MAP2K5: variants seen among roughly 807,000 people sequenced by gnomAD.
The protein encoded by MAP2K5 is dual specificity mitogen-activated protein kinase kinase 5.
A neutral mutation model predicts 83.1 loss-of-function variants in MAP2K5; 49 were observed. That is an observed-to-expected ratio of 0.59 (90% CI 0.47 to 0.75). The LOEUF is 0.75. Among genes scored for constraint, MAP2K5 ranks in the 30% least tolerant of loss-of-function variants. MAP2K5 has a pLI of 0.00. For missense variants in MAP2K5, 457 were observed against 557.5 expected (o/e 0.82, Z 1.82); for synonymous variants, 202 against 191.8 (o/e 1.05, Z -0.44).
At chr15:67,629,120 T>C (rs2086399774) in intron 8 of MAP2K5, 1 of 732,106 alleles carries the variant, frequency 1.4e-6, no homozygotes, top group East Asian at 2.5e-5. Flanking sequence ...GCTACGGCAG[T>C]GGCAGAAGAT....
intron 19 of MAP2K5, among the ~76,000 whole-genome samples, chr15:67,753,380 C>CT (rs1319230452): frequency 6.6e-6 from 1 of 152,052 alleles, no homozygotes; most frequent in African/African-American, 2.4e-5. Flanking sequence ...TCAAAGGACA[C>CT]TATCAAGACA....
At chr15:67,604,566 C>T (rs189469805) in intron 8 of MAP2K5, among the ~76,000 whole-genome samples, 2 of 152,186 alleles carry the variant, frequency 1.3e-5, no homozygotes, top group South Asian at 2.1e-4. Flanking sequence ...ATGTCTTATG[C>T]CTCAGTTTTC....
At chr15:67,805,103 C>T (rs1183638712) in intron 21 of MAP2K5, among the ~76,000 whole-genome samples, 4 of 152,218 alleles carry the variant, frequency 2.6e-5, no homozygotes. Flanking sequence ...AGGCCTAGCT[C>T]CACCCCAGTC....
At position 67,755,807 on chromosome 15, in the gene MAP2K5, CT is replaced by C. The variant is rs1375038480; in HGVS notation, c.1134+7207del. On this transcript the variant is annotated intron_variant, in intron 19 of 21. Coordinates refer to ENST00000178640, the MANE Select transcript of MAP2K5 (RefSeq NM_145160.3). The surrounding 1 kb of genome is among the most constrained non-coding windows in gnomAD (Gnocchi z 4.7). ...ATAAGTGGGATTTTGTAATGATGAG[CT>C]GTTGAATTCAGGGCTTTTTGCCAAG... Among the ~76,000 whole-genome samples the C allele has an allele frequency of 2.0e-5, 3 of 152,154 alleles. No homozygotes were observed. Among genetic ancestry groups the C allele is most frequent in the Non-Finnish European group, 2.9e-5 (2 of 68,024 alleles).
rs990019373 is a variant in MAP2K5, at chr15:67,793,259, G to A, written c.1243-13387G>A. 6.6e-6 allele frequency among the ~76,000 whole-genome samples: 1 copy of A among 152,078 alleles called. No individual in the cohort carries two copies. The highest frequency in any genetic ancestry group is 1.5e-5 in the Non-Finnish European group (1 of 68,032). On this transcript the variant is annotated intron_variant, in intron 21 of 21. Coordinates refer to ENST00000178640, the MANE Select transcript of MAP2K5 (RefSeq NM_145160.3). This position sits in a 1 kb window ranked among gnomAD's most constrained non-coding sequence, Gnocchi z 4.6. ...GAATAGCCACTGTGCTCCAGTCAGG[G>A]CAACACTGTGAGACCTCATCTCTAA...
chr15:67,778,408 G>A lies in MAP2K5; in HGVS notation c.1242+5656G>A, dbSNP rs73427991. 6.9e-3 allele frequency among the ~76,000 whole-genome samples: 1,057 copies of A among 152,250 alleles called. 11 individuals carry two copies. Among genetic ancestry groups the A allele is most frequent in the African/African-American group, 0.025 (1,018 of 41,542 alleles). ...GTGACTTTGGGCTTCACACCAAATG[G>A]CTTTGTTTCATTGTTAGACCCAAAT... On this transcript the variant is annotated intron_variant, in intron 21 of 21. Coordinates refer to ENST00000178640, the MANE Select transcript of MAP2K5 (RefSeq NM_145160.3). This position sits in a 1 kb window ranked among gnomAD's most constrained non-coding sequence, Gnocchi z 5.0.
intron 8 of MAP2K5, among the ~76,000 whole-genome samples, chr15:67,621,147 G>A (rs1351253856): frequency 1.3e-5 from 2 of 152,096 alleles, no homozygotes; most frequent in African/African-American, 2.4e-5. Context: ...TGCTGCTACT[G>A]TGGTTATATT....
intron 13 of MAP2K5, among the ~76,000 whole-genome samples, chr15:67,672,864 TCA>T (rs2087579796): frequency 6.6e-6 from 1 of 151,918 alleles, no homozygotes; most frequent in South Asian, 2.1e-4. Context: ...GGATCCAGTT[TCA>T]GTTTTCTACA....
intron 16 of MAP2K5, among the ~76,000 whole-genome samples, chr15:67,709,719 A>G (rs2088643152): frequency 6.6e-6 from 1 of 152,196 alleles, no homozygotes; most frequent in East Asian, 1.9e-4. Flanking sequence ...ATTTGAGTTC[A>G]CAACATAAAT....
chr15:67,614,315 A>C (rs1423051116), intron 8 of MAP2K5, among the ~76,000 whole-genome samples: 6 of 152,230 alleles, frequency 3.9e-5, no homozygotes, highest in African/African-American at 1.4e-4. Context: ...AAAGCACAAT[A>C]GAATATTAAT....
chr15:67,678,741 G>A (rs2087740938), intron 13 of MAP2K5, among the ~76,000 whole-genome samples: 1 of 152,130 alleles, frequency 6.6e-6, no homozygotes, highest in Non-Finnish European at 1.5e-5. Flanking sequence ...CGAGGCGGTA[G>A]GATCATGAGG....
chr15:67,569,828 G>C (rs976718227), intron 3 of MAP2K5, among the ~76,000 whole-genome samples: 12 of 152,212 alleles, frequency 7.9e-5, no homozygotes, highest in Non-Finnish European at 1.6e-4. Flanking sequence ...TCCCAGTTCA[G>C]TTCCATCTCT....
chr15:67,771,970 T>C (rs1355002395), intron 20 of MAP2K5, among the ~76,000 whole-genome samples: 2 of 152,340 alleles, frequency 1.3e-5, no homozygotes, highest in Non-Finnish European at 1.5e-5. Context: ...CTCCATCCCA[T>C]GTGTGAGTGC....
In MAP2K5 at chr15:67,563,258, A is replaced by G; in HGVS notation, c.185-25A>G. ...GCATTAAACAAATGCACACCTTATCATTTGCATTATGTGCTTTTAAACAGA... is the reference window on the plus strand; with the variant it reads ...GCATTAAACAAATGCACACCTTATCGTTTGCATTATGTGCTTTTAAACAGA... On this transcript the variant is annotated intron_variant, in intron 2 of 21. Transcript: ENST00000178640. This position sits in a 1 kb window ranked among gnomAD's most constrained non-coding sequence, Gnocchi z 4.5. The G allele has an allele frequency of 3.1e-6, 5 of 1,604,522 alleles. No homozygotes were observed. Among genetic ancestry groups the G allele is most frequent in the Non-Finnish European group, 2.5e-6 (3 of 1,177,420 alleles).
intron 8 of MAP2K5, among the ~76,000 whole-genome samples, chr15:67,607,214 T>C (rs1465891101): frequency 1.3e-5 from 2 of 152,238 alleles, no homozygotes; most frequent in African/African-American, 2.4e-5. Context: ...ATCATCCTAA[T>C]GCAAAATTAA....
At chr15:67,628,308 C>T (rs567796277) in intron 8 of MAP2K5, 21 of 502,608 alleles carry the variant, frequency 4.2e-5, no homozygotes, top group Middle Eastern at 5.6e-4. Context: ...GGTGAAACCC[C>T]GTCTCTACTA....
At chr15:67,661,468 T>C (rs1409323654) in intron 12 of MAP2K5, among the ~76,000 whole-genome samples, 2 of 152,160 alleles carry the variant, frequency 1.3e-5, no homozygotes, top group African/African-American at 4.8e-5. Context: ...GTCATCGTTG[T>C]GAAACCCAGC....
intron 8 of MAP2K5, among the ~76,000 whole-genome samples, chr15:67,620,800 G>A (rs2141065292): frequency 6.6e-6 from 1 of 152,260 alleles, no homozygotes; most frequent in Non-Finnish European, 1.5e-5. Context: ...AGGTATGATT[G>A]TTAAAAATTA....
rs1397791240 is a variant in MAP2K5, at chr15:67,552,714, G to A, written c.184+2632G>A. Among the ~76,000 whole-genome samples, 1 of 152,124 alleles carries A rather than the reference G, an allele frequency of 6.6e-6. No individual in the cohort carries two copies. The highest frequency in any genetic ancestry group is 1.5e-5 in the Non-Finnish European group (1 of 68,042). On this transcript the variant is annotated intron_variant, in intron 2 of 21. Transcript: ENST00000178640. The surrounding 1 kb of genome is among the most constrained non-coding windows in gnomAD (Gnocchi z 4.2). ...GGCCTTTCAAAGTGCTGGGATTACA[G>A]GTGTGAGCCACTGTACCCACGAAGT... is the stretch of plus-strand genomic sequence containing the variant.
Sources: allele counts gnomAD v4.1 joint callset (sites outside exome capture counted in the v4.1 genomes callset), GRCh38; gene constraint gnomAD v4.1.1; non-coding constraint Gnocchi (gnomAD v3.1); transcripts MANE v1.5; gene names NCBI Gene and HGNC (gene_info 2026-07-23, HGNC 2026-07-21).